The following GLIS3 variants were observed in gnomAD, a reference collection of about 807,000 sequenced individuals.
GLIS3 encodes the protein GLIS family zinc finger 3, also known as zinc finger protein GLIS3.
In GLIS3, 53 loss-of-function variants were observed where a neutral mutation model predicts 78.6. That is an observed-to-expected ratio of 0.67 (90% CI 0.54 to 0.85). The LOEUF (loss-of-function observed/expected upper bound fraction) is 0.85, where lower values mean the gene tolerates loss of function less well. Ranked by LOEUF, GLIS3 falls within the 40% of genes least tolerant of loss-of-function variation. The probability of loss-of-function intolerance (pLI) is 0.00; values close to 1 mark genes in which losing one functional copy is unlikely to be tolerated. For missense variants in GLIS3, 1,703 were observed against 1,231.1 expected, an observed-to-expected ratio of 1.38 and a Z score of -5.74; for synonymous variants, 684 against 509.9, an observed-to-expected ratio of 1.34 and a Z score of -4.60.
intron 2 of GLIS3, among the ~76,000 whole-genome samples, chr9:4,228,345 A>G (rs1249447615): frequency 1.3e-5 from 2 of 152,142 alleles, no homozygotes; most frequent in Non-Finnish European, 2.9e-5. Flanking sequence ...GCTGAGCCGG[A>G]GAGGGGCTGT....
intron 8 of GLIS3, among the ~76,000 whole-genome samples, chr9:3,860,318 G>GGAAAC (rs1055909787): frequency 4.5e-5 from 6 of 132,438 alleles, no homozygotes; most frequent in African/African-American, 1.6e-4. Context: ...TGGGGGATGA[G>GGAAAC]GAAACATTTA....
intron 2 of GLIS3, among the ~76,000 whole-genome samples, chr9:4,222,404 G>C (rs909220745): frequency 6.6e-6 from 1 of 152,102 alleles, no homozygotes. Flanking sequence ...TTCATCTTAG[G>C]ACCTAGAAAA....
intron 6 of GLIS3, among the ~76,000 whole-genome samples, chr9:3,907,629 C>CAG (rs906432665): frequency 1.3e-5 from 2 of 150,514 alleles, no homozygotes; most frequent in African/African-American, 4.9e-5. Context: ...CACACAGACA[C>CAG]ACACACACAC....
intron 5 of GLIS3, among the ~76,000 whole-genome samples, chr9:3,934,759 T>C (rs1439130905): frequency 1.3e-5 from 2 of 152,182 alleles, no homozygotes; most frequent in African/African-American, 4.8e-5. Flanking sequence ...ACACACCCAC[T>C]GTTCCTCTCA....
At chr9:4,029,867 C>G (rs1284548082) in intron 4 of GLIS3, among the ~76,000 whole-genome samples, 2 of 152,120 alleles carry the variant, frequency 1.3e-5, no homozygotes, top group Non-Finnish European at 2.9e-5. Flanking sequence ...TGGTTGCTTC[C>G]AAATCTTAGC....
intron 2 of GLIS3, among the ~76,000 whole-genome samples, chr9:4,180,853 C>T (rs896020899): frequency 5.9e-5 from 9 of 152,162 alleles, no homozygotes; most frequent in South Asian, 2.1e-4. Flanking sequence ...GGTTTTGCTC[C>T]GATCCACCCA....
rs186469350 is a variant in GLIS3, at chr9:4,052,526, C to T, written c.1710+65242G>A. On this transcript the variant is annotated intron_variant, in intron 4 of 10. Transcript: ENST00000381971. ...CCCTGGCCCCTAGTCAACCACTAGT[C>T]GGATTTCTGTCTCTATAGATTTACC... Among the ~76,000 whole-genome samples, 7 of 152,238 alleles carry T rather than the reference C, an allele frequency of 4.6e-5. No individual in the cohort carries two copies. In the South Asian group the frequency reaches 6.2e-4, roughly 14 times the overall value.
the GLIS3 span, among the ~76,000 whole-genome samples, chr9:4,353,889 G>A: frequency 1.5e-4 from 23 of 152,020 alleles, no homozygotes; most frequent in Admixed American, 9.2e-4. Flanking sequence ...GTGCAGTGGC[G>A]CGACCTCGGC....
At chr9:4,433,340 G>A in the GLIS3 span, among the ~76,000 whole-genome samples, 1 of 152,130 alleles carries the variant, frequency 6.6e-6, no homozygotes, top group African/African-American at 2.4e-5. Context: ...TCTGAGGTGG[G>A]AGAATCACTT....
chr9:4,200,661 A>G (rs1819300890), intron 2 of GLIS3, among the ~76,000 whole-genome samples: 1 of 152,160 alleles, frequency 6.6e-6, no homozygotes, highest in Non-Finnish European at 1.5e-5. Context: ...TGAATCAGAA[A>G]AAAACAAACA....
chr9:4,043,844 A>G (rs1320055496), intron 4 of GLIS3, among the ~76,000 whole-genome samples: 4 of 152,252 alleles, frequency 2.6e-5, no homozygotes, highest in African/African-American at 9.6e-5. Flanking sequence ...ATGCAGCTTC[A>G]GAGTTCACTT....
At chr9:4,100,848 G>A (rs1830317471) in intron 4 of GLIS3, among the ~76,000 whole-genome samples, 1 of 152,276 alleles carries the variant, frequency 6.6e-6, no homozygotes, top group African/African-American at 2.4e-5. Flanking sequence ...TGCCCCCATA[G>A]ATGGAATTCT....
Position 4,069,532 on chromosome 9 carries a change from T to C in GLIS3, c.1710+48236A>G, listed in dbSNP as rs189669134. 8.5e-4 allele frequency among the ~76,000 whole-genome samples: 129 copies of C among 152,338 alleles called. 2 individuals are homozygous for C. The highest frequency in any genetic ancestry group is 6.8e-3 in the Middle Eastern group (2 of 294). ...AGCAGTGACTTTCACAGATTCTTAT[T>C]ATCTGTGACTAAGGTTTCTTTTTAA... On this transcript the variant is annotated intron_variant, in intron 4 of 10. Coordinates refer to ENST00000381971, the MANE Select transcript of GLIS3 (RefSeq NM_001042413.2).
At chr9:4,370,831 G>A in the GLIS3 span, among the ~76,000 whole-genome samples, 2 of 152,082 alleles carry the variant, frequency 1.3e-5, no homozygotes, top group South Asian at 4.2e-4. Context: ...ACCTGCTCCT[G>A]CTTCCAGAAA....
At chr9:4,108,053 G>A (rs1300680517) in intron 4 of GLIS3, among the ~76,000 whole-genome samples, 2 of 152,118 alleles carry the variant, frequency 1.3e-5, no homozygotes, top group African/African-American at 4.8e-5. Flanking sequence ...AATGATCTTT[G>A]AATATGTAGT....
At chr9:4,032,652 G>A (rs895233) in intron 4 of GLIS3, among the ~76,000 whole-genome samples, 2,163 of 152,152 alleles carry the variant, frequency 0.014, 45 homozygotes, top group African/African-American at 0.05. Flanking sequence ...AAGGAATAAA[G>A]CACTTCACTC....
the GLIS3 span, among the ~76,000 whole-genome samples, chr9:4,474,810 C>T: frequency 6.6e-6 from 1 of 151,152 alleles, no homozygotes; most frequent in Non-Finnish European, 1.5e-5. Context: ...GATCCTCCCA[C>T]ATCAGCCTCT....
At chr9:4,213,187 G>C (rs544625331) in intron 2 of GLIS3, among the ~76,000 whole-genome samples, 3 of 152,100 alleles carry the variant, frequency 2.0e-5, no homozygotes, top group Non-Finnish European at 4.4e-5. Context: ...TTCTACTCCA[G>C]CTGTTTCCTT....
intron 4 of GLIS3, among the ~76,000 whole-genome samples, chr9:3,984,848 G>C (rs566076717): frequency 3.3e-5 from 5 of 152,102 alleles, no homozygotes; most frequent in Non-Finnish European, 2.9e-5. Flanking sequence ...CACTGTTCTC[G>C]TAATAGTGAA....
Sources: allele counts gnomAD v4.1 joint callset (sites outside exome capture counted in the v4.1 genomes callset), GRCh38; gene constraint gnomAD v4.1.1; transcripts MANE v1.5; gene names NCBI Gene and HGNC (gene_info 2026-07-23, HGNC 2026-07-21).